The following RASA2 variants were observed in gnomAD, a reference collection of about 807,000 sequenced individuals.
The protein encoded by RASA2 is RAS p21 protein activator 2, also known as ras GTPase-activating protein 2.
RASA2 carries 155 observed loss-of-function variants against 118.2 expected under a neutral mutation model. That is an observed-to-expected ratio of 1.31 (90% confidence interval 1.15 to 1.50). RASA2 has a LOEUF of 1.50. Ranked by LOEUF, RASA2 falls within the 40% of genes most tolerant of loss-of-function variation. The pLI, the probability that RASA2 is intolerant of heterozygous loss-of-function variation, is 0.00. For synonymous variants in RASA2, 353 were observed against 349.1 expected (o/e 1.01, Z -0.12); for missense variants, 1,016 against 1,009.6 (o/e 1.01, Z -0.09).
At chr3:141,539,614 C>G (rs1016256472) in intron 4 of RASA2, among the ~76,000 whole-genome samples, 1 of 152,200 alleles carries the variant, frequency 6.6e-6, no homozygotes, top group Non-Finnish European at 1.5e-5. Flanking sequence ...CTAGACATCA[C>G]TCCCCTGAAA....
intron 18 of RASA2, 97 bp downstream of exon 18, chr3:141,586,195 T>G (rs1370791651): frequency 8.3e-7 from 1 of 1,202,062 alleles, no homozygotes; most frequent in Non-Finnish European, 1.2e-6. Flanking sequence ...TCTGGCTTTG[T>G]GTGCTGTGTT....
intron 1 of RASA2, among the ~76,000 whole-genome samples, chr3:141,503,270 G>GGTACATACTCACATAT (rs1426534216): frequency 6.6e-6 from 1 of 151,976 alleles, no homozygotes; most frequent in Non-Finnish European, 1.5e-5. Context: ...TAGGCACATA[G>GGTACATACTCACATAT]GTACATACTC....
chr3:141,546,031 G>T (rs1052554700), intron 5 of RASA2, among the ~76,000 whole-genome samples: 1 of 152,084 alleles, frequency 6.6e-6, no homozygotes, highest in African/African-American at 2.4e-5. Context: ...TGAATGACAG[G>T]ACCTGATTCT....
chr3:141,609,241 A>G (rs2083597745), intron 21 of RASA2, among the ~76,000 whole-genome samples, 179 bp from the exon 22 acceptor site: 1 of 152,234 alleles, frequency 6.6e-6, no homozygotes, highest in Admixed American at 6.5e-5. Flanking sequence ...TTAGAGTCAC[A>G]TAACAACCAA....
At chr3:141,572,784 A>T in intron 12 of RASA2, 61 bp downstream of exon 12, 2 of 1,259,188 alleles carry the variant, frequency 1.6e-6, no homozygotes, top group Non-Finnish European at 2.2e-6. Flanking sequence ...TCTTTTATCA[A>T]GTGATCTATT....
At chr3:141,507,344 A>G (rs1199513788) in intron 1 of RASA2, among the ~76,000 whole-genome samples, 1 of 152,244 alleles carries the variant, frequency 6.6e-6, no homozygotes, top group East Asian at 1.9e-4. Context: ...TTAAGCAGAA[A>G]GAGCTTTAAT....
At chr3:141,587,462 A>C (rs1047126191) in intron 19 of RASA2, among the ~76,000 whole-genome samples, 2 of 152,216 alleles carry the variant, frequency 1.3e-5, no homozygotes, top group African/African-American at 2.4e-5. Flanking sequence ...CTGTAATCCT[A>C]GCACTTTGGG....
At chr3:141,574,124 A>G in intron 14 of RASA2, 57 bp downstream of exon 14, 1 of 1,176,742 alleles carries the variant, frequency 8.5e-7, no homozygotes, top group South Asian at 2.7e-5. Flanking sequence ...TTTTTTATAG[A>G]TATTAATTAC....
intron 9 of RASA2, among the ~76,000 whole-genome samples, chr3:141,570,679 T>C (rs2082903878): frequency 6.6e-6 from 1 of 152,250 alleles, no homozygotes; most frequent in South Asian, 2.1e-4. Context: ...TCTTAATTTC[T>C]GTAATATCTA....
chr3:141,550,508 G>A (rs1296556301), intron 5 of RASA2, among the ~76,000 whole-genome samples: 2 of 152,220 alleles, frequency 1.3e-5, no homozygotes, highest in African/African-American at 4.8e-5. Flanking sequence ...TGAAATTTGA[G>A]TAAGGGCTAC....
chr3:141,487,342 C>T (rs2081590148), intron 1 of RASA2, 126 bp downstream of exon 1: 3 of 1,125,350 alleles, frequency 2.7e-6, no homozygotes, highest in Admixed American at 4.8e-5. Context: ...GGGGCCTGGG[C>T]CGGGCGCGGT....
intron 5 of RASA2, among the ~76,000 whole-genome samples, chr3:141,541,792 T>C (rs1346377006): frequency 1.3e-5 from 2 of 151,602 alleles, no homozygotes; most frequent in Admixed American, 6.6e-5. Context: ...TGTATTAACA[T>C]TTTTTAAGAA....
At chr3:141,594,344 A>G (rs2083331750) in intron 19 of RASA2, among the ~76,000 whole-genome samples, 1 of 149,146 alleles carries the variant, frequency 6.7e-6, no homozygotes, top group South Asian at 2.1e-4. Context: ...GAGTAGAGAA[A>G]GAATTGGACA....
At chr3:141,550,847 A>C (rs572617306) in intron 5 of RASA2, among the ~76,000 whole-genome samples, 1 of 152,200 alleles carries the variant, frequency 6.6e-6, no homozygotes, top group East Asian at 1.9e-4. Flanking sequence ...ACAGAGTGAG[A>C]CTCTGTCTCA....
chr3:141,573,931 T>C lies in RASA2; in HGVS notation c.1360-13T>C, dbSNP rs1468412000. On this transcript the variant is annotated splice_polypyrimidine_tract_variant and intron_variant, in intron 13 of 23. Transcript: ENST00000286364. ...CATCAAAATCTTAATGTTTACCTTT[T>C]TAAATCCTGCAGGAGAATCTGCGCT... The C allele has an allele frequency of 3.8e-6, 6 of 1,563,398 alleles. No homozygotes were observed. Among genetic ancestry groups the C allele is most frequent in the African/African-American group, 2.7e-5 (2 of 72,798 alleles).
At chr3:141,593,040 C>T (rs548897376) in intron 19 of RASA2, among the ~76,000 whole-genome samples, 1 of 152,130 alleles carries the variant, frequency 6.6e-6, no homozygotes, top group East Asian at 1.9e-4. Flanking sequence ...AAGAAAGGAA[C>T]CATGCTGGCT....
intron 1 of RASA2, 74 bp downstream of exon 1, chr3:141,487,290 C>G: frequency 8.4e-7 from 1 of 1,192,902 alleles, no homozygotes; most frequent in East Asian, 3.8e-5. Context: ...GGGTTCGCGG[C>G]GGTGGCGGCG....
At chr3:141,536,909 G>A (rs1231104664) in intron 4 of RASA2, among the ~76,000 whole-genome samples, 1 of 151,676 alleles carries the variant, frequency 6.6e-6, no homozygotes, top group African/African-American at 2.4e-5. Flanking sequence ...TGCCACACCC[G>A]GCTAATTTTG....
At chr3:141,541,607 C>A (rs1369034172) in intron 5 of RASA2, among the ~76,000 whole-genome samples, 1 of 151,882 alleles carries the variant, frequency 6.6e-6, no homozygotes, top group Non-Finnish European at 1.5e-5. Flanking sequence ...TAGTTATTTT[C>A]TAATATTTTA....
Sources: gnomAD v4.1 joint callset for allele counts (sites outside exome capture counted in the v4.1 genomes callset) on GRCh38, gnomAD v4.1.1 for gene constraint, MANE v1.5 for transcripts, NCBI Gene and HGNC (gene_info 2026-07-23, HGNC 2026-07-21) for gene names.